The following SLC4A5 variants were observed in gnomAD, a reference collection of about 807,000 sequenced individuals.
SLC4A5 encodes the protein electrogenic sodium bicarbonate cotransporter 4.
In SLC4A5, 96 loss-of-function variants were observed where a neutral mutation model predicts 120.4. The ratio of observed to expected loss-of-function variants is 0.80; its 90% confidence interval spans 0.68 to 0.94. SLC4A5 has a LOEUF of 0.94. Among genes scored for constraint, SLC4A5 ranks in the 40% least tolerant of loss-of-function variants. The pLI, the probability that SLC4A5 is intolerant of heterozygous loss-of-function variation, is 0.00. For synonymous variants in SLC4A5, 550 were observed against 571.1 expected (o/e 0.96, Z 0.53); for missense variants, 1,259 against 1,459.5 (o/e 0.86, Z 2.24).
intron 6 of SLC4A5, among the ~76,000 whole-genome samples, chr2:74,313,331 C>T (rs898601231): frequency 6.6e-5 from 10 of 152,170 alleles, no homozygotes; most frequent in Admixed American, 1.3e-4. Context: ...TTTCAAATAA[C>T]GCTATACTGT....
At chr2:74,332,448 C>A (rs755044101) in intron 4 of SLC4A5, among the ~76,000 whole-genome samples, 6 of 152,202 alleles carry the variant, frequency 3.9e-5, no homozygotes, top group Admixed American at 2.0e-4. Flanking sequence ...AGGCATCTTC[C>A]TCTTCTCCCC....
chr2:74,227,919 G>A, intron 25 of SLC4A5, 41 bp from the exon 26 acceptor site: 1 of 1,507,668 alleles, frequency 6.6e-7, no homozygotes, highest in Non-Finnish European at 8.9e-7. Context: ...TCTGCCTGGG[G>A]CGGCCCTTGG....
intron 6 of SLC4A5, chr2:74,307,553 G>C: frequency 1.6e-6 from 1 of 644,500 alleles, no homozygotes; most frequent in Admixed American, 1.8e-5. Flanking sequence ...GGGCACTGTC[G>C]ATCTGCACAA....
chr2:74,262,417 A>T (rs1318534313), intron 10 of SLC4A5, among the ~76,000 whole-genome samples, 185 bp from the exon 11 acceptor site: 2 of 148,904 alleles, frequency 1.3e-5, no homozygotes, highest in Non-Finnish European at 3.0e-5. Flanking sequence ...ACAAGATTAC[A>T]GGCTGGGCAC....
At chr2:74,335,273 A>T (rs1356684797) in intron 3 of SLC4A5, among the ~76,000 whole-genome samples, 1 of 152,216 alleles carries the variant, frequency 6.6e-6, no homozygotes, top group Non-Finnish European at 1.5e-5. Context: ...GAGCCCACGG[A>T]GGCATCTTGG....
At chr2:74,330,098 G>T (rs1573110579) in intron 4 of SLC4A5, among the ~76,000 whole-genome samples, 1 of 151,386 alleles carries the variant, frequency 6.6e-6, no homozygotes, top group African/African-American at 2.4e-5. Flanking sequence ...TGAGAGATAG[G>T]TGAGGGTGGT....
chr2:74,265,358 T>C (rs1192900172), intron 8 of SLC4A5, 94 bp from the exon 9 acceptor site: 2 of 1,448,380 alleles, frequency 1.4e-6, no homozygotes, highest in African/African-American at 1.4e-5. Context: ...TGTGGGTTCA[T>C]GCTATGTATG....
At chr2:74,338,093 G>C (rs1381273326) in intron 3 of SLC4A5, among the ~76,000 whole-genome samples, 1 of 152,150 alleles carries the variant, frequency 6.6e-6, no homozygotes, top group Non-Finnish European at 1.5e-5. Context: ...TAGTTAATAG[G>C]ACAGTGGCGA....
intron 6 of SLC4A5, chr2:74,307,245 T>C (rs986529356): frequency 7.7e-5 from 40 of 520,360 alleles, no homozygotes; most frequent in African/African-American, 7.3e-4. Context: ...CTGAGGCAGC[T>C]AATCATATTG....
chr2:74,289,921 G>T (rs909049095), intron 7 of SLC4A5, among the ~76,000 whole-genome samples: 4 of 152,144 alleles, frequency 2.6e-5, no homozygotes, highest in African/African-American at 9.7e-5. Flanking sequence ...TTATTCACCA[G>T]TTGAAAAACT....
At chr2:74,334,312 C>G (rs1199191406) in intron 3 of SLC4A5, 135 bp from the exon 4 acceptor site, 1 of 152,234 alleles carries the variant, frequency 6.6e-6, no homozygotes. Flanking sequence ...GCTGCTGTGG[C>G]CTATGGACTC....
chr2:74,229,658 G>A (rs1398683358), intron 25 of SLC4A5, among the ~76,000 whole-genome samples: 1 of 152,094 alleles, frequency 6.6e-6, no homozygotes, highest in African/African-American at 2.4e-5. Context: ...AGTAGTCCCT[G>A]GCCATTTAAA....
chr2:74,244,287 C>CT (rs1670536829), intron 19 of SLC4A5, among the ~76,000 whole-genome samples: 1 of 152,262 alleles, frequency 6.6e-6, no homozygotes, highest in South Asian at 2.1e-4. Context: ...CAATGGTTCT[C>CT]AAACTTAAGA....
chr2:74,255,477 T>C lies in SLC4A5; in HGVS notation c.1025+298A>G, dbSNP rs189749817. On this transcript the variant is annotated intron_variant, in intron 13 of 30. Coordinates refer to ENST00000394019, the Ensembl canonical transcript of SLC4A5. This position sits in a 1 kb window ranked among gnomAD's most constrained non-coding sequence, Gnocchi z 4.0. The stretch of plus-strand genomic sequence containing the variant: ...CTGGCTAATTTTTTTGTATTTTTAG[T>C]AGAGACGGGGTTTCACCTTGTTGGC... 0.022 allele frequency among the ~76,000 whole-genome samples: 3,319 copies of C among 152,082 alleles called. 149 individuals are homozygous for C. Among genetic ancestry groups the C allele is most frequent in the Admixed American group, 0.1 (1,590 of 15,274 alleles).
chr2:74,306,777 A>G, intron 6 of SLC4A5: 1 of 863,938 alleles, frequency 1.2e-6, no homozygotes, highest in Non-Finnish European at 1.8e-6. Context: ...TTTGCCATCC[A>G]CTATCCAGTG....
chr2:74,257,818 T>C (rs573411957), intron 12 of SLC4A5, among the ~76,000 whole-genome samples: 32 of 152,246 alleles, frequency 2.1e-4, no homozygotes, highest in African/African-American at 4.8e-4. Context: ...CCTCAATCCA[T>C]CAGCCTCAGC....
rs983324560 is a variant in SLC4A5, at chr2:74,274,505, T to A, written c.402-9241A>T. On this transcript the variant is annotated intron_variant, in intron 8 of 30. Coordinates refer to ENST00000394019, the Ensembl canonical transcript of SLC4A5. ...AGTAAATTTGAAAGATTATAAAGTA[T>A]AAAAGACTGAGGGGGCAGGCATGGG... Among the ~76,000 whole-genome samples the A allele has an allele frequency of 3.2e-4, 49 of 152,186 alleles. 1 individual carries two copies.
At chr2:74,235,254 G>C (rs767426359) in intron 21 of SLC4A5, 40 bp from the exon 22 acceptor site, 1 of 1,527,274 alleles carries the variant, frequency 6.5e-7, no homozygotes, top group Non-Finnish European at 9.0e-7. Context: ...AGTGAGTAAA[G>C]CACCCACCCA....
At chr2:74,222,208 T>G (rs535316066) in intron 29 of SLC4A5, among the ~76,000 whole-genome samples, 4 of 152,184 alleles carry the variant, frequency 2.6e-5, no homozygotes, top group African/African-American at 9.6e-5. Flanking sequence ...CTGGAAAACA[T>G]GGGAGGCCTG....
Sources: gnomAD v4.1 joint callset for allele counts (sites outside exome capture counted in the v4.1 genomes callset) on GRCh38, gnomAD v4.1.1 for gene constraint, Gnocchi (gnomAD v3.1) non-coding constraint, MANE v1.5 for transcripts, NCBI Gene and HGNC (gene_info 2026-07-23, HGNC 2026-07-21) for gene names.